RANBP2: variants seen among roughly 807,000 people sequenced by gnomAD.
The protein encoded by RANBP2 is E3 SUMO-protein ligase RanBP2.
Under a neutral mutation model 303.6 loss-of-function variants are expected in RANBP2, and 57 were observed. The observed-to-expected ratio is 0.19, with a 90% CI of 0.15 to 0.23. The LOEUF is 0.23. Among genes scored for constraint, RANBP2 ranks in the 10% least tolerant of loss-of-function variants. The pLI is 1.00. For synonymous variants in RANBP2, 1,167 were observed against 1,301.5 expected (o/e 0.90, Z 2.23); for missense variants, 3,138 against 3,780.8 (o/e 0.83, Z 4.46).
chr2:108,733,215 T>C (rs1334926423), intron 4 of RANBP2, among the ~76,000 whole-genome samples: 3 of 151,916 alleles, frequency 2.0e-5, no homozygotes, highest in Non-Finnish European at 2.9e-5. Flanking sequence ...TTGGTTCCTT[T>C]ACTTCTGAGT....
chr2:109,329,771 T>G, the RANBP2 span, among the ~76,000 whole-genome samples: 1 of 152,260 alleles, frequency 6.6e-6, no homozygotes, highest in Non-Finnish European at 1.5e-5. Context: ...GAGATGCCTT[T>G]TCTTACATAG....
the RANBP2 span, chr2:109,398,974 C>T: frequency 7.6e-6 from 12 of 1,575,328 alleles, no homozygotes; most frequent in Admixed American, 1.7e-5. Context: ...GCAGGCATCC[C>T]TGGGTTCTCT....
At chr2:108,907,098 GCTC>G in the RANBP2 span, among the ~76,000 whole-genome samples, 4 of 152,224 alleles carry the variant, frequency 2.6e-5, no homozygotes. Context: ...CCCCTGCCCT[GCTC>G]CTGGCCACAG....
chr2:109,420,462 T>TTTTC, the RANBP2 span, among the ~76,000 whole-genome samples: 3 of 151,956 alleles, frequency 2.0e-5, no homozygotes, highest in Admixed American at 6.6e-5. Flanking sequence ...GTTTTGTTTT[T>TTTTC]TGAGATGGAG....
chr2:109,103,906 G>C, the RANBP2 span, among the ~76,000 whole-genome samples: 1 of 151,228 alleles, frequency 6.6e-6, no homozygotes, highest in African/African-American at 2.4e-5. Flanking sequence ...CCATTCTCCT[G>C]CCTCAGCCTC....
the RANBP2 span, chr2:109,129,800 G>C: frequency 1.9e-6 from 3 of 1,538,646 alleles, no homozygotes; most frequent in African/African-American, 2.8e-5. Context: ...AGCATCGTGT[G>C]CTCGCGCCAC....
the RANBP2 span, among the ~76,000 whole-genome samples, chr2:109,133,337 C>T: frequency 1.3e-5 from 2 of 152,198 alleles, no homozygotes; most frequent in East Asian, 1.9e-4. Context: ...AAAATCTCTT[C>T]TGTGTCTCTT....
chr2:109,286,479 C>CCGCA, the RANBP2 span, among the ~76,000 whole-genome samples: 2 of 152,294 alleles, frequency 1.3e-5, no homozygotes, highest in East Asian at 3.9e-4. Flanking sequence ...CACCACAGTC[C>CCGCA]CGCACAAGGC....
chr2:109,200,948 C>T, the RANBP2 span, among the ~76,000 whole-genome samples: 2 of 152,286 alleles, frequency 1.3e-5, no homozygotes, highest in South Asian at 4.1e-4. Flanking sequence ...CTCGCAGTGG[C>T]CCGGGGCCCA....
the RANBP2 span, among the ~76,000 whole-genome samples, chr2:108,919,583 C>T: frequency 4.6e-5 from 7 of 152,252 alleles, no homozygotes; most frequent in East Asian, 1.4e-3. Context: ...ATCTTGAACT[C>T]CCAACCTTAG....
intron 20 of RANBP2, among the ~76,000 whole-genome samples, chr2:108,771,263 C>T (rs1203864161): frequency 6.6e-6 from 1 of 150,836 alleles, no homozygotes; most frequent in Admixed American, 6.7e-5. Flanking sequence ...TCACAGTTGG[C>T]TTTGGATTAG....
intron 6 of RANBP2, 140 bp from the exon 7 acceptor site, chr2:108,740,349 A>G (rs1410496421): frequency 7.4e-7 from 1 of 1,350,630 alleles, no homozygotes; most frequent in African/African-American, 1.5e-5. Flanking sequence ...ATAATTTATA[A>G]CATGGGGAAT....
the RANBP2 span, among the ~76,000 whole-genome samples, chr2:109,715,134 A>AT: frequency 6.7e-6 from 1 of 150,050 alleles, no homozygotes; most frequent in South Asian, 2.1e-4. Flanking sequence ...CACCCAGCTA[A>AT]TTTTGTATTT....
At chr2:109,539,311 A>T in the RANBP2 span, among the ~76,000 whole-genome samples, 1 of 152,130 alleles carries the variant, frequency 6.6e-6, no homozygotes, top group Non-Finnish European at 1.5e-5. Flanking sequence ...AAGAAAAAAA[A>T]TATTGAGTGC....
the RANBP2 span, among the ~76,000 whole-genome samples, chr2:108,994,817 TATATATATATATC>T: frequency 0.25 from 4,635 of 18,560 alleles, 96 homozygotes; most frequent in South Asian, 0.45. Context: ...TATATATATA[TATATATATATATC>T]TTTTTTTTTT....
the RANBP2 span, among the ~76,000 whole-genome samples, chr2:109,663,942 T>C: frequency 1.3e-5 from 2 of 152,186 alleles, no homozygotes; most frequent in Admixed American, 6.5e-5. Context: ...AGTAGCCAAC[T>C]ACAGCACAGT....
At chr2:108,802,784 A>G in the RANBP2 span, among the ~76,000 whole-genome samples, 1 of 151,574 alleles carries the variant, frequency 6.6e-6, no homozygotes. Flanking sequence ...GATAGCTCTT[A>G]TTATTTTGAA....
the RANBP2 span, among the ~76,000 whole-genome samples, chr2:109,070,178 G>A: frequency 6.6e-6 from 1 of 152,176 alleles, no homozygotes; most frequent in Non-Finnish European, 1.5e-5. Context: ...GAGTGAGTGA[G>A]GGGGAACAAA....
the RANBP2 span, among the ~76,000 whole-genome samples, chr2:109,093,623 A>AT: frequency 0.51 from 77,615 of 151,164 alleles, 21,310 homozygotes; most frequent in South Asian, 0.66. Flanking sequence ...ATTTAAAAAG[A>AT]TTTTTTTTTA....
Sources: gnomAD v4.1 joint callset for allele counts (sites outside exome capture counted in the v4.1 genomes callset) on GRCh38, gnomAD v4.1.1 for gene constraint, MANE v1.5 for transcripts, NCBI Gene and HGNC (gene_info 2026-07-23, HGNC 2026-07-21) for gene names.